Variants in NBAS observed in about 807,000 individuals in gnomAD.
The protein encoded by NBAS is NAG/BC035112 fusion.
In NBAS, 219 loss-of-function variants were observed where a neutral mutation model predicts 302.5. The observed-to-expected ratio is 0.72, with a 90% CI of 0.65 to 0.81. The LOEUF (loss-of-function observed/expected upper bound fraction) is 0.81. Ranked by LOEUF, NBAS falls within the 30% of genes least tolerant of loss-of-function variation. The pLI, the probability that NBAS is intolerant of heterozygous loss-of-function variation, is 0.00. For synonymous variants in NBAS, 1,118 were observed against 1,021.6 expected, an observed-to-expected ratio of 1.09 and a Z score of -1.80; for missense variants, 2,932 against 2,841.6, an observed-to-expected ratio of 1.03 and a Z score of -0.72.
At chr2:15,418,277 C>T (rs1396931059) in intron 23 of NBAS, among the ~76,000 whole-genome samples, 1 of 152,140 alleles carries the variant, frequency 6.6e-6, no homozygotes, top group African/African-American at 2.4e-5. Flanking sequence ...AAGACAAAAA[C>T]ACAGACTGAT....
At chr2:15,096,615 A>G in the NBAS span, among the ~76,000 whole-genome samples, 1 of 152,184 alleles carries the variant, frequency 6.6e-6, no homozygotes, top group Non-Finnish European at 1.5e-5. Context: ...AAATGGGTTC[A>G]AAGGCTGTTC....
chr2:15,550,642 A>G (rs1184132827), intron 6 of NBAS, among the ~76,000 whole-genome samples: 2 of 147,388 alleles, frequency 1.4e-5, no homozygotes, highest in Admixed American at 6.9e-5. Context: ...GCTGGAGTCC[A>G]GTGGCTCAAT....
At chr2:15,263,099 T>TC (rs1558485270) in intron 44 of NBAS, among the ~76,000 whole-genome samples, 1 of 152,180 alleles carries the variant, frequency 6.6e-6, no homozygotes, top group Non-Finnish European at 1.5e-5. Flanking sequence ...TCCGTGGCCC[T>TC]CCACTTCTGT....
intron 11 of NBAS, among the ~76,000 whole-genome samples, chr2:15,500,850 G>A (rs1661506878): frequency 6.6e-6 from 1 of 151,478 alleles, no homozygotes; most frequent in African/African-American, 2.4e-5. Context: ...CGTGAACCCG[G>A]GAGGCGGAGC....
the NBAS span, among the ~76,000 whole-genome samples, chr2:15,037,786 T>C: frequency 1.3e-5 from 2 of 152,154 alleles, no homozygotes; most frequent in South Asian, 2.1e-4. Flanking sequence ...ATGATTTCAA[T>C]GATTTGCTAT....
At chr2:14,851,369 G>A in the NBAS span, among the ~76,000 whole-genome samples, 1 of 151,884 alleles carries the variant, frequency 6.6e-6, no homozygotes, top group Admixed American at 6.6e-5. Context: ...ACCCTCCCAA[G>A]ACTAAACCAG....
chr2:15,386,434 GTTTTAAAAGTT>G (rs1675301499), intron 28 of NBAS, among the ~76,000 whole-genome samples: 1 of 152,172 alleles, frequency 6.6e-6, no homozygotes, highest in Admixed American at 6.5e-5. Context: ...AACAAAATAT[GTTTTAAAAGTT>G]CTTGAAAAGT....
chr2:14,813,530 A>G, the NBAS span, among the ~76,000 whole-genome samples: 4 of 152,180 alleles, frequency 2.6e-5, no homozygotes, highest in Non-Finnish European at 5.9e-5. Context: ...TAGGGTACCT[A>G]GTGGAAGAAA....
At chr2:15,407,393 C>T (rs777351686) in intron 25 of NBAS, among the ~76,000 whole-genome samples, 3 of 152,070 alleles carry the variant, frequency 2.0e-5, no homozygotes, top group Non-Finnish European at 4.4e-5. Context: ...AGTAATCACC[C>T]AATACTTCTG....
the NBAS span, among the ~76,000 whole-genome samples, chr2:15,124,186 T>C: frequency 6.6e-6 from 1 of 152,192 alleles, no homozygotes; most frequent in Non-Finnish European, 1.5e-5. Context: ...TGTGGAAGTC[T>C]GAACTTGAGA....
At chr2:15,467,879 T>G in intron 17 of NBAS, 75 bp from the exon 18 acceptor site, 1 of 1,261,846 alleles carries the variant, frequency 7.9e-7, no homozygotes, top group South Asian at 1.4e-5. Flanking sequence ...TCTCCTATTT[T>G]GACTGATTTC....
chr2:14,786,713 C>A, the NBAS span, among the ~76,000 whole-genome samples: 5 of 151,906 alleles, frequency 3.3e-5, no homozygotes, highest in South Asian at 2.1e-4. Context: ...CTGATCTTTT[C>A]CATTTGCTGA....
Position 15,394,288 on chromosome 2 carries a change from G to T in NBAS, c.3196C>A (p.Gln1066Lys). The change falls in exon 28 of 52, where the codon CAA (glutamine) becomes AAA (lysine). Residue 1066 changes from glutamine (Q) to lysine (K), a missense_variant. Transcript: ENST00000281513. ...EKPISFVKNTQSSSEEARKLM... is the reference protein window; with the variant it reads ...EKPISFVKNTKSSSEEARKLM... ...TTGCGTGCCTCTTCTGAGCTAGATTGAGTGTTTTTAACAAATGAAATTGGT... is the reference window on the plus strand; with the variant it reads ...TTGCGTGCCTCTTCTGAGCTAGATTTAGTGTTTTTAACAAATGAAATTGGT... The T allele has an allele frequency of 6.2e-7, 1 of 1,613,122 alleles. No individual in the cohort carries two copies. The highest frequency in any genetic ancestry group is 8.5e-7 in the Non-Finnish European group (1 of 1,179,428).
intron 30 of NBAS, 130 bp downstream of exon 30, chr2:15,379,472 A>T: frequency 1.2e-6 from 1 of 810,196 alleles, no homozygotes; most frequent in Non-Finnish European, 1.9e-6. Context: ...AGCAAAAAAT[A>T]ACTGTGCCCC....
At chr2:15,247,706 A>ATATATACCTCTATC (rs558340732) in intron 44 of NBAS, among the ~76,000 whole-genome samples, 30,586 of 90,822 alleles carry the variant, frequency 0.34, 3,841 homozygotes, top group East Asian at 0.64. Context: ...ATATCTCTCT[A>ATATATACCTCTATC]TATATATCTA....
At chr2:14,986,176 AT>A in the NBAS span, among the ~76,000 whole-genome samples, 1 of 152,030 alleles carries the variant, frequency 6.6e-6, no homozygotes, top group African/African-American at 2.4e-5. Flanking sequence ...TAAATTGCTC[AT>A]TTTCAGGTGT....
At chr2:15,437,881 A>T (rs759529018) in intron 21 of NBAS, among the ~76,000 whole-genome samples, 1 of 152,226 alleles carries the variant, frequency 6.6e-6, no homozygotes, top group Non-Finnish European at 1.5e-5. Flanking sequence ...CAAAGAGAAA[A>T]TGACCCTGAG....
intron 9 of NBAS, among the ~76,000 whole-genome samples, chr2:15,517,407 T>G (rs1430288482): frequency 6.6e-6 from 1 of 152,128 alleles, no homozygotes; most frequent in Non-Finnish European, 1.5e-5. Flanking sequence ...TACAAAAATA[T>G]ATATTGGAAG....
the NBAS span, among the ~76,000 whole-genome samples, chr2:15,121,496 GGACA>G: frequency 6.7e-6 from 1 of 148,582 alleles, no homozygotes; most frequent in Non-Finnish European, 1.5e-5. Context: ...CAAAACACTA[GGACA>G]GACATTTTTA....
Sources: allele counts gnomAD v4.1 joint callset (sites outside exome capture counted in the v4.1 genomes callset), GRCh38; gene constraint gnomAD v4.1.1; transcripts MANE v1.5; gene names NCBI Gene and HGNC (gene_info 2026-07-23, HGNC 2026-07-21).